CELF2: variants seen among roughly 807,000 people sequenced by gnomAD.
The protein encoded by CELF2 is CUGBP Elav-like family member 2.
CELF2 carries 8 observed loss-of-function variants against 62.6 expected under a neutral mutation model. The ratio of observed to expected loss-of-function variants is 0.13; its 90% CI spans 0.07 to 0.23. The LOEUF (loss-of-function observed/expected upper bound fraction) is 0.23. Ranked by LOEUF, CELF2 falls within the 10% of genes least tolerant of loss-of-function variation. The pLI is 1.00. For missense variants in CELF2, 333 were observed against 671.0 expected (o/e 0.50, Z 5.56); for synonymous variants, 258 against 250.0 (o/e 1.03, Z -0.30).
At chr10:10,595,132 A>G in the CELF2 span, among the ~76,000 whole-genome samples, 54 of 152,364 alleles carry the variant, frequency 3.5e-4, no homozygotes, top group East Asian at 8.9e-3. Context: ...CAACTAGGTC[A>G]TTAATTCTTA....
At chr10:10,782,904 C>T in the CELF2 span, among the ~76,000 whole-genome samples, 2 of 152,202 alleles carry the variant, frequency 1.3e-5, no homozygotes, top group African/African-American at 4.8e-5. Context: ...TAAAGTTCAG[C>T]CGTAGACCCT....
intron 1 of CELF2, among the ~76,000 whole-genome samples, chr10:11,040,470 C>T (rs137988089): frequency 1.3e-5 from 2 of 151,900 alleles, no homozygotes; most frequent in African/African-American, 2.4e-5. Context: ...AATTATGGAG[C>T]CTAGAACTCT....
chr10:10,547,252 G>C, the CELF2 span, among the ~76,000 whole-genome samples: 2 of 152,032 alleles, frequency 1.3e-5, no homozygotes, highest in Non-Finnish European at 2.9e-5. Context: ...CCTCACTATT[G>C]TGCCCAAGCT....
At chr10:10,492,992 C>T in the CELF2 span, among the ~76,000 whole-genome samples, 11 of 152,332 alleles carry the variant, frequency 7.2e-5, no homozygotes, top group East Asian at 2.1e-3. Context: ...GAGGCCTCCC[C>T]ACCCATGTGG....
the CELF2 span, among the ~76,000 whole-genome samples, chr10:10,702,045 G>T: frequency 2.0e-5 from 3 of 152,222 alleles, no homozygotes; most frequent in Admixed American, 2.0e-4. Flanking sequence ...ATTTTGACTT[G>T]ATTCTGGTAT....
At chr10:10,732,223 T>C in the CELF2 span, among the ~76,000 whole-genome samples, 4 of 152,142 alleles carry the variant, frequency 2.6e-5, no homozygotes, top group Non-Finnish European at 5.9e-5. Flanking sequence ...TATTGTGACC[T>C]TTTTCTCATT....
the CELF2 span, among the ~76,000 whole-genome samples, chr10:10,591,259 A>G: frequency 1.3e-5 from 2 of 152,184 alleles, no homozygotes; most frequent in Non-Finnish European, 2.9e-5. Context: ...AATATCAAAA[A>G]TGATTTTTTA....
chr10:10,759,315 T>C, the CELF2 span, among the ~76,000 whole-genome samples: 2 of 144,514 alleles, frequency 1.4e-5, no homozygotes, highest in African/African-American at 2.6e-5. Flanking sequence ...TTTTTTTTTT[T>C]TTTTTTTTTT....
chr10:10,978,862 T>C (rs1055962239), intron 2 of CELF2, among the ~76,000 whole-genome samples: 1 of 152,212 alleles, frequency 6.6e-6, no homozygotes, highest in African/African-American at 2.4e-5. Flanking sequence ...AAAATACTCA[T>C]AAGCAAGGAA....
At chr10:11,019,264 G>A (rs2057899715) in intron 1 of CELF2, among the ~76,000 whole-genome samples, 1 of 152,188 alleles carries the variant, frequency 6.6e-6, no homozygotes, top group South Asian at 2.1e-4. Flanking sequence ...GACATTTTAA[G>A]TTTTCTCTGA....
the CELF2 span, among the ~76,000 whole-genome samples, chr10:10,586,526 G>A: frequency 6.6e-6 from 1 of 152,144 alleles, no homozygotes; most frequent in East Asian, 1.9e-4. Flanking sequence ...ATGAAAAAGT[G>A]TGTCATTTTC....
the CELF2 span, among the ~76,000 whole-genome samples, chr10:10,488,545 G>T: frequency 2.6e-5 from 4 of 152,174 alleles, no homozygotes; most frequent in African/African-American, 4.8e-5. Context: ...ATGTGTATTT[G>T]CTCACTTAAT....
At chr10:10,711,881 C>T in the CELF2 span, among the ~76,000 whole-genome samples, 3 of 151,988 alleles carry the variant, frequency 2.0e-5, no homozygotes, top group Admixed American at 2.0e-4. Context: ...GACTCCATCT[C>T]ATAAAAAGAA....
intron 1 of CELF2, among the ~76,000 whole-genome samples, chr10:10,902,813 G>A (rs1281856983): frequency 1.3e-5 from 2 of 150,250 alleles, no homozygotes; most frequent in East Asian, 1.9e-4. Flanking sequence ...GAGGAAGGAA[G>A]GAGAGGAAGG....
intron 1 of CELF2, among the ~76,000 whole-genome samples, chr10:10,836,065 G>T (rs1487632931): frequency 6.6e-6 from 1 of 152,180 alleles, no homozygotes; most frequent in African/African-American, 2.4e-5. Context: ...CCAAGAATAG[G>T]AGTCCCATGG....
Position 11,255,079 on chromosome 10 carries a change from T to C in CELF2, c.404-2659T>C, listed in dbSNP as rs1446148992. Among the ~76,000 whole-genome samples, 1 of 152,242 alleles carries C rather than the reference T, an allele frequency of 6.6e-6. No individual in the cohort carries two copies. On this transcript the variant is annotated intron_variant, in intron 4 of 12. Transcript: ENST00000633077. This position sits in a 1 kb window ranked among gnomAD's most constrained non-coding sequence, Gnocchi z 5.5. ...AGGTACACTCGTTGCCCAGGGTATC[T>C]GGTGTCTCTCTGGCTTAGCTGTCGC...
At chr10:10,898,014 C>A (rs1188317811) in intron 1 of CELF2, among the ~76,000 whole-genome samples, 1 of 152,202 alleles carries the variant, frequency 6.6e-6, no homozygotes, top group Non-Finnish European at 1.5e-5. Context: ...GAGGGTGGAT[C>A]AAGCCACAGA....
chr10:10,730,630 T>C, the CELF2 span, among the ~76,000 whole-genome samples: 1 of 152,222 alleles, frequency 6.6e-6, no homozygotes, highest in African/African-American at 2.4e-5. Context: ...AGCTAAAATA[T>C]TTGCCACGTG....
the CELF2 span, among the ~76,000 whole-genome samples, chr10:10,569,204 A>G: frequency 6.6e-6 from 1 of 152,174 alleles, no homozygotes; most frequent in African/African-American, 2.4e-5. Context: ...GAGACTGGGT[A>G]ATTTATAAAG....
Sources: gnomAD v4.1 joint callset for allele counts (sites outside exome capture counted in the v4.1 genomes callset) on GRCh38, gnomAD v4.1.1 for gene constraint, Gnocchi (gnomAD v3.1) non-coding constraint, MANE v1.5 for transcripts, NCBI Gene and HGNC (gene_info 2026-07-23, HGNC 2026-07-21) for gene names.